The following IMMP1L variants were observed in gnomAD, a reference collection of about 807,000 sequenced individuals.
IMMP1L encodes the protein inner mitochondrial membrane peptidase subunit 1.
In IMMP1L, 24 loss-of-function variants were observed where a neutral mutation model predicts 21.8. That is an observed-to-expected ratio of 1.10 (90% CI 0.80 to 1.55). The LOEUF is 1.55. IMMP1L is among the 40% of genes most tolerant of loss of function. IMMP1L has a pLI of 0.00. For missense variants in IMMP1L, 195 were observed against 200.7 expected (o/e 0.97, Z 0.17); for synonymous variants, 46 against 62.8 (o/e 0.73, Z 1.26).
intron 3 of IMMP1L, among the ~76,000 whole-genome samples, chr11:31,460,382 ACTG>A (rs981268955): frequency 8.5e-5 from 13 of 152,302 alleles, no homozygotes; most frequent in Admixed American, 5.9e-4. Context: ...ATTGTAAGGG[ACTG>A]CTAATTATTT....
At chr11:31,500,720 G>C (rs1456645014) in intron 1 of IMMP1L, among the ~76,000 whole-genome samples, 1 of 151,442 alleles carries the variant, frequency 6.6e-6, no homozygotes, top group African/African-American at 2.4e-5. Context: ...TTTCAACCTA[G>C]AGCAGAGGTT....
At chr11:31,467,384 A>AT (rs1408410334) in intron 1 of IMMP1L, among the ~76,000 whole-genome samples, 2 of 152,166 alleles carry the variant, frequency 1.3e-5, no homozygotes, top group African/African-American at 4.8e-5. Flanking sequence ...GTTTCTAAGT[A>AT]TCATGCTCCA....
At chr11:31,447,946 GC>G (rs1953591047) in intron 4 of IMMP1L, among the ~76,000 whole-genome samples, 1 of 152,020 alleles carries the variant, frequency 6.6e-6, no homozygotes, top group Non-Finnish European at 1.5e-5. Flanking sequence ...TCATTTACTT[GC>G]TTATTCCAAA....
chr11:31,448,437 G>A (rs1252462001), intron 4 of IMMP1L, among the ~76,000 whole-genome samples: 7 of 152,196 alleles, frequency 4.6e-5, no homozygotes, highest in African/African-American at 1.4e-4. Context: ...GAATACCTGT[G>A]TTACAATTTT....
intron 3 of IMMP1L, among the ~76,000 whole-genome samples, chr11:31,456,978 T>C (rs913781168): frequency 7.4e-6 from 1 of 135,428 alleles, no homozygotes; most frequent in Non-Finnish European, 1.6e-5. Flanking sequence ...CTCCACACAA[T>C]TCTATATAAA....
At chr11:31,496,871 A>G (rs1955457238) in intron 1 of IMMP1L, among the ~76,000 whole-genome samples, 2 of 148,052 alleles carry the variant, frequency 1.4e-5, no homozygotes, top group Non-Finnish European at 3.0e-5. Flanking sequence ...ATATAATCTT[A>G]TATATATCTG....
At chr11:31,464,497 T>C (rs1954263147) in intron 1 of IMMP1L, among the ~76,000 whole-genome samples, 1 of 152,128 alleles carries the variant, frequency 6.6e-6, no homozygotes, top group Admixed American at 6.6e-5. Flanking sequence ...AGAGAAACTG[T>C]AGGCCAAAAT....
Position 31,456,300 on chromosome 11 carries a change from A to G in IMMP1L, c.281T>C (p.Leu94Pro). The G allele has an allele frequency of 6.2e-7, 1 of 1,607,886 alleles. No homozygotes were observed. The highest frequency in any genetic ancestry group is 1.7e-5 in the Admixed American group (1 of 59,926). ...RVIGLEGDKILTTSPSDFFKS... is the reference protein window; with the variant it reads ...RVIGLEGDKIPTTSPSDFFKS... ...AAAGAAATCTGATGGACTAGTGGTG[A>G]GGATTTTGTCTCCTTCCAAACCAAT... The change falls in exon 4 of 6, where the codon CTC becomes CCC. Residue 94 changes from leucine (L) to proline (P), a missense_variant. By Grantham distance (98) the Leu-to-Pro change is moderately conservative (BLOSUM62 -3). Coordinates refer to ENST00000532287, the MANE Select transcript of IMMP1L (RefSeq NM_001304274.2).
At chr11:31,464,051 T>C (rs1411816633) in intron 1 of IMMP1L, among the ~76,000 whole-genome samples, 1 of 152,146 alleles carries the variant, frequency 6.6e-6, no homozygotes, top group African/African-American at 2.4e-5. Context: ...CTATGTATCA[T>C]GCATTTCTTA....
At chr11:31,488,394 G>T (rs953419845) in intron 1 of IMMP1L, among the ~76,000 whole-genome samples, 2 of 152,120 alleles carry the variant, frequency 1.3e-5, no homozygotes, top group East Asian at 3.9e-4. Flanking sequence ...ATTTTATGAC[G>T]CTTTGGAAAA....
intron 1 of IMMP1L, among the ~76,000 whole-genome samples, chr11:31,468,256 G>T (rs955118429): frequency 6.6e-6 from 1 of 152,074 alleles, no homozygotes; most frequent in Non-Finnish European, 1.5e-5. Flanking sequence ...AATATGCTAC[G>T]TAGGAGAATG....
intron 1 of IMMP1L, among the ~76,000 whole-genome samples, chr11:31,495,882 A>T (rs955886961): frequency 6.6e-6 from 1 of 152,176 alleles, no homozygotes; most frequent in African/African-American, 2.4e-5. Context: ...TAGATCAAAA[A>T]CCTAAATGGA....
rs112431824 is a variant in IMMP1L at position 31,432,538 on chromosome 11, G to A, written c.463C>T (p.Arg155Cys). Residue 155 changes from arginine (R) to cysteine (C), a missense_variant, in exon 6 of 6, where the codon CGT becomes TGT. Transcript: ENST00000532287. ...IWPLSDFGFLRASPNGHRFSD... is the reference protein window; with the variant it reads ...IWPLSDFGFLCASPNGHRFSD... Reference sequence around the variant, plus strand: ...AATCTGTGGCCATTAGGGCTGGCACGTAAAAATCCAAAATCACTCAGAGGC... The same window carrying A: ...AATCTGTGGCCATTAGGGCTGGCACATAAAAATCCAAAATCACTCAGAGGC... The A allele has an allele frequency of 9.3e-6, 15 of 1,612,942 alleles. No individual in the cohort carries two copies. Among genetic ancestry groups the A allele is most frequent in the East Asian group, 8.9e-5 (4 of 44,802 alleles).
At chr11:31,454,848 C>G (rs1436874659) in intron 4 of IMMP1L, among the ~76,000 whole-genome samples, 2 of 152,112 alleles carry the variant, frequency 1.3e-5, no homozygotes, top group Non-Finnish European at 2.9e-5. Flanking sequence ...TTTGTTCTGT[C>G]TGTTGATATC....
intron 4 of IMMP1L, among the ~76,000 whole-genome samples, chr11:31,454,449 C>CAA (rs71463320): frequency 0.21 from 6,504 of 30,370 alleles, 1,349 homozygotes; most frequent in East Asian, 0.34. Context: ...AAGACCATGT[C>CAA]AAAAAAAAAA....
chr11:31,475,024 T>G (rs1487620216), intron 1 of IMMP1L, among the ~76,000 whole-genome samples: 1 of 152,122 alleles, frequency 6.6e-6, no homozygotes, highest in African/African-American at 2.4e-5. Flanking sequence ...ATACTCAATA[T>G]TTTCAGAGAC....
At chr11:31,508,800 G>A (rs1240846191) in intron 1 of IMMP1L, among the ~76,000 whole-genome samples, 2 of 151,756 alleles carry the variant, frequency 1.3e-5, no homozygotes, top group Non-Finnish European at 2.9e-5. Context: ...CACTGTCCCT[G>A]CTCAGTTTTG....
intron 4 of IMMP1L, chr11:31,452,467 C>T (rs1439228095): frequency 1.0e-6 from 1 of 985,186 alleles, no homozygotes; most frequent in Non-Finnish European, 1.2e-6. Flanking sequence ...AGGAGAATGC[C>T]AACTCATTTT....
At chr11:31,432,840 C>CGG (rs1301344663) in intron 5 of IMMP1L, among the ~76,000 whole-genome samples, 3 of 152,136 alleles carry the variant, frequency 2.0e-5, no homozygotes, top group African/African-American at 7.2e-5. Context: ...AATATATGGT[C>CGG]TGTGTTTTCT....
Sources: allele counts gnomAD v4.1 joint callset (sites outside exome capture counted in the v4.1 genomes callset), GRCh38; gene constraint gnomAD v4.1.1; transcripts MANE v1.5; gene names NCBI Gene and HGNC (gene_info 2026-07-23, HGNC 2026-07-21).